Variants in AK3 observed in about 807,000 individuals in gnomAD.
The protein encoded by AK3 is GTP:AMP phosphotransferase AK3, mitochondrial.
In AK3, 27 loss-of-function variants were observed where a neutral mutation model predicts 23.7. The observed-to-expected ratio is 1.14, with a 90% CI of 0.84 to 1.57. AK3 has a LOEUF of 1.57. Ranked by LOEUF, AK3 falls within the 40% of genes most tolerant of loss-of-function variation. The pLI, the probability that AK3 is intolerant of heterozygous loss-of-function variation, is 0.00. For synonymous variants in AK3, 159 were observed against 116.0 expected (o/e 1.37, Z -2.38); for missense variants, 406 against 285.6 (o/e 1.42, Z -3.04).
In AK3 at chr9:4,719,232, A is replaced by C. The variant is rs1397177763; in HGVS notation, c.347T>G (p.Val116Gly). 1 of 1,612,144 alleles carries C rather than the reference A, an allele frequency of 6.2e-7. No individual in the cohort carries two copies. Among genetic ancestry groups the C allele is most frequent in the Middle Eastern group, 2.1e-4 (1 of 4,682 alleles). ...GCGTTGTTTAATGACCTCAAAGGGC[A>C]CATTCAGGTTAATCACTGTGTCGAT... is the stretch of plus-strand genomic sequence containing the variant. ...YQIDTVINLN[V>G]PFEVIKQRLT... The change falls in exon 3 of 5, where the codon GTG becomes GGG. Residue 116 changes from valine (V) to glycine (G), a missense_variant. Coordinates refer to ENST00000381809, the MANE Select transcript of AK3 (RefSeq NM_016282.4).
rs1170100097 is a variant in AK3 at position 4,712,175 on chromosome 9, T to A, written c.*801A>T. 2.6e-5 allele frequency: 4 copies of A among 152,152 alleles called. No individual in the cohort carries two copies. The highest frequency in any genetic ancestry group is 5.9e-5 in the Non-Finnish European group (4 of 68,018). The allele number at this position is 152,152 out of a possible 1,614,324, so 9.4% of individuals were successfully genotyped here. A position where few individuals can be genotyped will look rare whatever the true frequency, so the allele number is the denominator to read the frequency against. On this transcript the variant is annotated 3_prime_UTR_variant, in exon 5 of 5. Transcript: ENST00000381809. ...AGATCCTAAAACACATTTCTTAACCTGAGTCATAACTGAAAACATAGACTT... is the reference window on the plus strand; with the variant it reads ...AGATCCTAAAACACATTTCTTAACCAGAGTCATAACTGAAAACATAGACTT...
chr9:4,739,319 T>C (rs1284505575), intron 1 of AK3, among the ~76,000 whole-genome samples: 1 of 151,406 alleles, frequency 6.6e-6, no homozygotes, highest in Non-Finnish European at 1.5e-5. Flanking sequence ...GCCTCCCGAG[T>C]AGCTAGGATC....
At chr9:4,716,385 C>A (rs1462545978) in intron 4 of AK3, among the ~76,000 whole-genome samples, 1 of 152,130 alleles carries the variant, frequency 6.6e-6, no homozygotes, top group Non-Finnish European at 1.5e-5. Flanking sequence ...TTAATAGACA[C>A]CAGGGCTGTT....
At chr9:4,738,761 CTTTTTTTTTTT>C (rs35812152) in intron 1 of AK3, among the ~76,000 whole-genome samples, 2,923 of 75,354 alleles carry the variant, frequency 0.039, 146 homozygotes, top group African/African-American at 0.14. Flanking sequence ...ATATGCTTTA[CTTTTTTTTTTT>C]TTTTTTTTTT....
At chr9:4,721,335 A>G (rs1215175935) in intron 2 of AK3, among the ~76,000 whole-genome samples, 1 of 151,714 alleles carries the variant, frequency 6.6e-6, no homozygotes, top group African/African-American at 2.4e-5. Context: ...CTGAGGAGGA[A>G]GAGGTTGCAG....
At chr9:4,728,944 CATACATATATAT>C (rs1304406867) in intron 1 of AK3, among the ~76,000 whole-genome samples, 1 of 140,670 alleles carries the variant, frequency 7.1e-6, no homozygotes, top group Non-Finnish European at 1.5e-5. Flanking sequence ...TACATATATA[CATACATATATAT>C]ACACATACAT....
intron 1 of AK3, among the ~76,000 whole-genome samples, chr9:4,731,911 C>A (rs1370090167): frequency 2.0e-5 from 3 of 152,142 alleles, no homozygotes; most frequent in Non-Finnish European, 2.9e-5. Flanking sequence ...TTATGACGAT[C>A]CACTTCCATT....
At position 4,719,312 on chromosome 9, in the gene AK3, A is replaced by C. The variant is rs1490703786; in HGVS notation, c.272-5T>G. On this transcript the variant is annotated splice_region_variant and splice_polypyrimidine_tract_variant and intron_variant, in intron 2 of 4. Transcript: ENST00000381809. ...GTGGAAGTGTCCTTGGAAAACCTTT[A>C]TAAAGTAAAAAAGAAAAAGAAGAAG... 1 of 1,569,094 alleles carries C rather than the reference A, an allele frequency of 6.4e-7. No individual in the cohort carries two copies. Among genetic ancestry groups the C allele is most frequent in the Non-Finnish European group, 8.6e-7 (1 of 1,156,428 alleles).
chr9:4,728,866 T>TATATATATACAC (rs1395790351), intron 1 of AK3, among the ~76,000 whole-genome samples: 5 of 87,906 alleles, frequency 5.7e-5, no homozygotes, highest in Non-Finnish European at 9.6e-5. Context: ...TATATATATA[T>TATATATATACAC]ACACACACAC....
intron 1 of AK3, among the ~76,000 whole-genome samples, chr9:4,729,649 C>T (rs1842108776): frequency 6.6e-6 from 1 of 151,924 alleles, no homozygotes; most frequent in Non-Finnish European, 1.5e-5. Flanking sequence ...GCCTGGGCAA[C>T]ACAGCAAGAT....
chr9:4,736,272 A>T (rs1842291261), intron 1 of AK3, among the ~76,000 whole-genome samples: 1 of 152,136 alleles, frequency 6.6e-6, no homozygotes, highest in African/African-American at 2.4e-5. Context: ...GGGGCACTCC[A>T]TATGCAAAGC....
At chr9:4,718,561 G>A in intron 3 of AK3, 24 bp from the exon 4 acceptor site, 1 of 1,456,446 alleles carries the variant, frequency 6.9e-7, no homozygotes, top group Non-Finnish European at 9.6e-7. Context: ...GAAGAGACTA[G>A]TATCAGATAT....
At chr9:4,713,724 T>C (rs1224303331) in intron 4 of AK3, among the ~76,000 whole-genome samples, 1 of 152,148 alleles carries the variant, frequency 6.6e-6, no homozygotes, top group Non-Finnish European at 1.5e-5. Context: ...GGCAGATTTG[T>C]CTAGCTTGTC....
intron 1 of AK3, among the ~76,000 whole-genome samples, chr9:4,728,903 T>C (rs1176852187): frequency 7.6e-6 from 1 of 131,474 alleles, no homozygotes; most frequent in African/African-American, 2.9e-5. Context: ...ATACACATAC[T>C]TATATATATA....
At chr9:4,721,972 G>A (rs762341839) in intron 2 of AK3, among the ~76,000 whole-genome samples, 1 of 152,196 alleles carries the variant, frequency 6.6e-6, no homozygotes, top group Non-Finnish European at 1.5e-5. Context: ...GGTGAATGGG[G>A]TTGAGTAGGA....
At chr9:4,723,399 G>A (rs1841950263) in intron 1 of AK3, among the ~76,000 whole-genome samples, 1 of 152,158 alleles carries the variant, frequency 6.6e-6, no homozygotes, top group African/African-American at 2.4e-5. Flanking sequence ...CTGTAAAACA[G>A]GTGCTGCTAT....
intron 1 of AK3, among the ~76,000 whole-genome samples, chr9:4,728,854 T>TACACAC (rs1408805790): frequency 0.16 from 7,652 of 46,418 alleles, 246 homozygotes; most frequent in South Asian, 0.31. Flanking sequence ...TATATATATA[T>TACACAC]ATATATATAT....
intron 4 of AK3, among the ~76,000 whole-genome samples, chr9:4,716,718 G>GCCAGGAGTTTGAGTAGCC (rs1841745382): frequency 1.3e-5 from 2 of 152,300 alleles, no homozygotes; most frequent in African/African-American, 4.8e-5. Context: ...GTTGCCTGAA[G>GCCAGGAGTTTGAGTAGCC]CCAGGAGTTT....
intron 1 of AK3, among the ~76,000 whole-genome samples, chr9:4,723,851 C>T (rs139702008): frequency 3.0e-4 from 46 of 152,276 alleles, no homozygotes; most frequent in African/African-American, 1.1e-3. Context: ...TTATTTTACT[C>T]CTCTTTGGGA....
Sources: gnomAD v4.1 joint callset for allele counts (sites outside exome capture counted in the v4.1 genomes callset) on GRCh38, gnomAD v4.1.1 for gene constraint, MANE v1.5 for transcripts, NCBI Gene and HGNC (gene_info 2026-07-23, HGNC 2026-07-21) for gene names.